The following ZMYND11 variants were observed in gnomAD, a reference collection of about 807,000 sequenced individuals.
ZMYND11 encodes the protein zinc finger MYND domain-containing protein 11.
A neutral mutation model predicts 84.9 loss-of-function variants in ZMYND11; 9 were observed. The ratio of observed to expected loss-of-function variants is 0.11; its 90% CI spans 0.06 to 0.18. ZMYND11 has a LOEUF of 0.18. Ranked by LOEUF, ZMYND11 falls within the 10% of genes least tolerant of loss-of-function variation. ZMYND11 has a pLI of 1.00. For synonymous variants in ZMYND11, 250 were observed against 244.1 expected, an observed-to-expected ratio of 1.02 and a Z score of -0.23; for missense variants, 409 against 761.0, an observed-to-expected ratio of 0.54 and a Z score of 5.44.
At chr10:130,295 G>A (rs1260443976), upstream of ZMYND11, among the ~76,000 whole-genome samples, 1 of 152,126 alleles carries the variant, frequency 6.6e-6, no homozygotes, top group South Asian at 2.1e-4. Flanking sequence ...TGGGTCTGTG[G>A]GGAGCAATGA....
chr10:172,843 T>C (rs1845673674), intron 1 of ZMYND11, among the ~76,000 whole-genome samples: 1 of 152,180 alleles, frequency 6.6e-6, no homozygotes, highest in South Asian at 2.1e-4. Context: ...AAAGACTTAC[T>C]GTAAACTTTA....
In ZMYND11 at chr10:253,380, T is replaced by C. The variant is rs1375068341; in HGVS notation, c.*910T>C. ...CTGGTGTCACCTCATGTATCGTAAG[T>C]TAATACTAAAAGAAGAGAAAGCACT... On this transcript the variant is annotated 3_prime_UTR_variant, in exon 15 of 15. Transcript: ENST00000381604. The C allele has an allele frequency of 2.0e-5, 3 of 152,652 alleles. No individual in the cohort carries two copies. The highest frequency in any genetic ancestry group is 4.4e-5 in the Non-Finnish European group (3 of 68,030). The allele number at this position is 152,652 out of a possible 1,614,324, so 9.5% of individuals were successfully genotyped here. A position where few individuals can be genotyped will look rare whatever the true frequency, so the allele number is the denominator to read the frequency against.
At chr10:139,366 A>G (rs1836920770) in intron 1 of ZMYND11, among the ~76,000 whole-genome samples, 1 of 152,174 alleles carries the variant, frequency 6.6e-6, no homozygotes, top group Non-Finnish European at 1.5e-5. Flanking sequence ...CCTCACCAAC[A>G]TTTCTACTAG....
At chr10:204,864 A>T (rs1289655881) in intron 2 of ZMYND11, among the ~76,000 whole-genome samples, 1 of 151,672 alleles carries the variant, frequency 6.6e-6, no homozygotes, top group African/African-American at 2.4e-5. Context: ...GACATTGAAT[A>T]TATTAATATT....
chr10:152,407 G>C (rs1321046284), intron 1 of ZMYND11, among the ~76,000 whole-genome samples: 2 of 152,150 alleles, frequency 1.3e-5, no homozygotes, highest in Non-Finnish European at 2.9e-5. Flanking sequence ...AAAGGCAGGG[G>C]TTGCAATCCT....
intron 4 of ZMYND11, among the ~76,000 whole-genome samples, chr10:235,088 C>A (rs1332691908): frequency 6.6e-6 from 1 of 151,964 alleles, no homozygotes; most frequent in Non-Finnish European, 1.5e-5. Flanking sequence ...CTCTATTTCG[C>A]CATTGCACGT....
intron 4 of ZMYND11, among the ~76,000 whole-genome samples, chr10:227,354 G>A (rs1415581346): frequency 1.3e-5 from 2 of 152,172 alleles, no homozygotes; most frequent in Non-Finnish European, 2.9e-5. Context: ...GGACTCAGGA[G>A]TCTATAGAAA....
chr10:240,401 G>A (rs978965435), intron 8 of ZMYND11, among the ~76,000 whole-genome samples: 5 of 152,192 alleles, frequency 3.3e-5, no homozygotes, highest in African/African-American at 1.2e-4. Flanking sequence ...CTACTCGGGA[G>A]GCTGAGGCAG....
chr10:242,261 A>G, intron 10 of ZMYND11, 122 bp downstream of exon 10: 1 of 1,393,100 alleles, frequency 7.2e-7, no homozygotes, highest in Non-Finnish European at 9.8e-7. Flanking sequence ...AAAACACATT[A>G]TGCATCCAAG....
intron 4 of ZMYND11, among the ~76,000 whole-genome samples, chr10:223,235 G>A (rs948541827): frequency 6.6e-6 from 1 of 151,866 alleles, no homozygotes; most frequent in Non-Finnish European, 1.5e-5. Flanking sequence ...TTGTCATGTT[G>A]GTGTGGCCAG....
chr10:145,202 G>A (rs1199498489), intron 1 of ZMYND11, among the ~76,000 whole-genome samples: 1 of 148,660 alleles, frequency 6.7e-6, no homozygotes, highest in African/African-American at 2.5e-5. Flanking sequence ...ACATATGTGT[G>A]TGTATATATA....
At chr10:246,385 GAAC>G (rs531100312) in intron 10 of ZMYND11, among the ~76,000 whole-genome samples, 15 of 152,242 alleles carry the variant, frequency 9.9e-5, no homozygotes, top group East Asian at 1.9e-4. Flanking sequence ...ACAGTATTCA[GAAC>G]AACAAATAAC....
chr10:137,355 C>G (rs1395316768), intron 1 of ZMYND11, among the ~76,000 whole-genome samples: 1 of 152,092 alleles, frequency 6.6e-6, no homozygotes, highest in Admixed American at 6.5e-5. Flanking sequence ...TTAGGGAGGT[C>G]TAGAGCCCTT....
At position 248,316 on chromosome 10, in the gene ZMYND11, A is replaced by C. The variant is rs111819218; in HGVS notation, c.1228-20A>C. 2.0e-5 allele frequency: 32 copies of C among 1,607,664 alleles called. 1 individual carries two copies. The highest frequency in any genetic ancestry group is 1.7e-4 in the African/African-American group (13 of 74,712). On this transcript the variant is annotated intron_variant, in intron 12 of 14. Coordinates refer to ENST00000381604, the MANE Select transcript of ZMYND11 (RefSeq NM_001370100.5). Reference sequence around the variant, plus strand: ...TTATGTGGCTTCGTTTGGCGTCTAAACTCTTGTCTCACCTTTTAGGAACCA... The same window carrying C: ...TTATGTGGCTTCGTTTGGCGTCTAACCTCTTGTCTCACCTTTTAGGAACCA...
At chr10:162,387 C>T (rs188577894) in intron 1 of ZMYND11, among the ~76,000 whole-genome samples, 84 of 151,208 alleles carry the variant, frequency 5.6e-4, no homozygotes, top group African/African-American at 1.8e-3. Context: ...ACTGGGCATA[C>T]GCTGTCAGAA....
At chr10:210,296 C>A (rs748054666) in intron 3 of ZMYND11, among the ~76,000 whole-genome samples, 2 of 152,202 alleles carry the variant, frequency 1.3e-5, no homozygotes, top group Non-Finnish European at 2.9e-5. Context: ...CAAACCAAAG[C>A]TCTTTTGATG....
chr10:241,697 C>T (rs1167022170), intron 9 of ZMYND11, among the ~76,000 whole-genome samples: 1 of 152,072 alleles, frequency 6.6e-6, no homozygotes, highest in Non-Finnish European at 1.5e-5. Context: ...TAAAATTTCC[C>T]CATTTCTAAC....
At chr10:172,488 A>G (rs1356889871) in intron 1 of ZMYND11, among the ~76,000 whole-genome samples, 1 of 152,218 alleles carries the variant, frequency 6.6e-6, no homozygotes, top group African/African-American at 2.4e-5. Context: ...AATTGAAAGC[A>G]TATTATCATT....
intron 1 of ZMYND11, among the ~76,000 whole-genome samples, chr10:146,301 A>G (rs1262651524): frequency 1.3e-5 from 2 of 152,168 alleles, no homozygotes; most frequent in African/African-American, 4.8e-5. Flanking sequence ...AAGTCAGGTA[A>G]TGTGATGCCT....
Sources: allele counts gnomAD v4.1 joint callset (sites outside exome capture counted in the v4.1 genomes callset), GRCh38; gene constraint gnomAD v4.1.1; transcripts MANE v1.5; gene names NCBI Gene and HGNC (gene_info 2026-07-23, HGNC 2026-07-21).